Variants in DSCAML1 observed in about 807,000 individuals in gnomAD.
The protein encoded by DSCAML1 is DS cell adhesion molecule like 1.
A neutral mutation model predicts 200.5 loss-of-function variants in DSCAML1; 38 were observed. That is an observed-to-expected ratio of 0.19 (90% CI 0.15 to 0.25). The LOEUF (loss-of-function observed/expected upper bound fraction) is 0.25, where lower values mean the gene tolerates loss of function less well. DSCAML1 is among the 10% of genes least tolerant of loss of function. The pLI is 1.00. For synonymous variants in DSCAML1, 1,215 were observed against 1,165.0 expected (o/e 1.04, Z -0.87); for missense variants, 2,223 against 2,858.8 (o/e 0.78, Z 5.07).
intron 32 of DSCAML1, 99 bp from the exon 33 acceptor site, chr11:117,428,902 G>A: frequency 1.6e-6 from 2 of 1,241,324 alleles, no homozygotes; most frequent in Non-Finnish European, 2.2e-6. Context: ...TCTTCTCTCT[G>A]ATTTGGCATA....
At chr11:117,485,287 G>A (rs2049022982) in intron 11 of DSCAML1, among the ~76,000 whole-genome samples, 1 of 152,190 alleles carries the variant, frequency 6.6e-6, no homozygotes, top group African/African-American at 2.4e-5. Flanking sequence ...AGGGTCCCCA[G>A]GGATCCTTGG....
intron 11 of DSCAML1, among the ~76,000 whole-genome samples, chr11:117,490,578 G>A (rs973741631): frequency 5.9e-5 from 9 of 152,214 alleles, no homozygotes; most frequent in Non-Finnish European, 8.8e-5. Flanking sequence ...AGTTTACAAA[G>A]CAGTGCTGCA....
chr11:117,729,186 A>G (rs557101991), intron 3 of DSCAML1, among the ~76,000 whole-genome samples: 1 of 152,374 alleles, frequency 6.6e-6, no homozygotes, highest in South Asian at 2.1e-4. Flanking sequence ...AATGTTTTCA[A>G]CAAGTGGTGC....
chr11:117,658,156 T>C (rs942896548), intron 3 of DSCAML1, among the ~76,000 whole-genome samples: 11 of 152,160 alleles, frequency 7.2e-5, no homozygotes, highest in African/African-American at 2.7e-4. Flanking sequence ...CAGGACGGAA[T>C]GCAAGCCTCT....
At chr11:117,702,365 C>T (rs752771253) in intron 3 of DSCAML1, among the ~76,000 whole-genome samples, 2 of 152,040 alleles carry the variant, frequency 1.3e-5, no homozygotes, top group Non-Finnish European at 2.9e-5. Context: ...TGGCATGTTG[C>T]TTCTGCTTGG....
intron 12 of DSCAML1, 113 bp downstream of exon 12, chr11:117,481,850 G>T: frequency 8.2e-7 from 1 of 1,220,640 alleles, no homozygotes; most frequent in Non-Finnish European, 1.2e-6. Flanking sequence ...TTTTTGGGGT[G>T]TGGGGAGGGG....
intron 3 of DSCAML1, among the ~76,000 whole-genome samples, chr11:117,708,029 G>C (rs1001554023): frequency 6.6e-6 from 1 of 152,168 alleles, no homozygotes; most frequent in Admixed American, 6.5e-5. Context: ...AGTGAAGCTA[G>C]CTGCAACTAG....
rs568882024 is a variant in DSCAML1, at chr11:117,642,848, G to A, written c.512-110326C>T. On this transcript the variant is annotated intron_variant, in intron 3 of 32. Coordinates refer to ENST00000651296, the MANE Select transcript of DSCAML1 (RefSeq NM_020693.4). This position sits in a 1 kb window ranked among gnomAD's most constrained non-coding sequence, Gnocchi z 4.1. ...ACCCTTCCTGGCCCACACTGCCAAA[G>A]CTGTCTTGTGTTCAGGCAGCTTGGG... 6.6e-6 allele frequency among the ~76,000 whole-genome samples: 1 copy of A among 152,326 alleles called. No homozygotes were observed. The highest frequency in any genetic ancestry group is 1.9e-4 in the East Asian group (1 of 5,190).
chr11:117,646,963 T>C (rs1190780914), intron 3 of DSCAML1, among the ~76,000 whole-genome samples: 2 of 152,176 alleles, frequency 1.3e-5, no homozygotes, highest in Non-Finnish European at 2.9e-5. Context: ...TTGATCTCAG[T>C]AAGCAGCCAC....
At chr11:117,479,715 C>T (rs574427831) in intron 14 of DSCAML1, among the ~76,000 whole-genome samples, 1 of 152,092 alleles carries the variant, frequency 6.6e-6, no homozygotes, top group Non-Finnish European at 1.5e-5. Flanking sequence ...ATGGCACGAT[C>T]TTGGTTCACT....
At chr11:117,537,134 TCATAGGGACATATGGTC>T in intron 3 of DSCAML1, among the ~76,000 whole-genome samples, 1 of 32,792 alleles carries the variant, frequency 3.0e-5, no homozygotes, top group Non-Finnish European at 5.8e-5. Context: ...ACAGCACCAC[TCATAGGGACATATGGTC>T]AGCCAGCCTC....
At chr11:117,623,216 C>CTTTTTTTTTTTTTTTTTTTT (rs56343852) in intron 3 of DSCAML1, among the ~76,000 whole-genome samples, 8 of 121,106 alleles carry the variant, frequency 6.6e-5, no homozygotes, top group East Asian at 2.3e-4. Context: ...CTTTTCTTTT[C>CTTTTTTTTTTTTTTTTTTTT]TTTTTTTTTT....
chr11:117,544,196 C>G (rs944162304), intron 3 of DSCAML1, among the ~76,000 whole-genome samples: 2 of 152,124 alleles, frequency 1.3e-5, no homozygotes, highest in Admixed American at 6.5e-5. Context: ...GCCAGGGCCT[C>G]GAAGTACCTC....
intron 3 of DSCAML1, among the ~76,000 whole-genome samples, chr11:117,616,847 T>C (rs1314126288): frequency 6.6e-6 from 1 of 152,266 alleles, no homozygotes; most frequent in Non-Finnish European, 1.5e-5. Context: ...TAAGAAATTA[T>C]GGCCCAACCG....
Position 117,501,748 on chromosome 11 carries a change from T to C in DSCAML1, c.2359+2097A>G, listed in dbSNP as rs1386864121. 3.3e-5 allele frequency among the ~76,000 whole-genome samples: 5 copies of C among 151,914 alleles called. No individual in the cohort carries two copies. In the East Asian group the frequency reaches 9.6e-4, roughly 29 times the overall value. ...GGGTGTTGAGAGGTTCTGAGGGTGA[T>C]CAGAGGTGCCCTGAGCGGGATGACG... On this transcript the variant is annotated intron_variant, in intron 11 of 32. Transcript: ENST00000651296.
At chr11:117,681,684 C>T (rs1458643771) in intron 3 of DSCAML1, among the ~76,000 whole-genome samples, 3 of 152,190 alleles carry the variant, frequency 2.0e-5, no homozygotes. Flanking sequence ...CCTCTCTCCC[C>T]ACTTAAAAAG....
Position 117,525,054 on chromosome 11 carries a change from C to T in DSCAML1, c.688G>A (p.Asp230Asn). Residue 230 changes from aspartate (D) to asparagine (N), a missense_variant, in exon 5 of 33, where the codon GAT becomes AAT. This residue lies in a region of DSCAML1 where 579 missense variants were observed against 721.5 expected (regional missense o/e 0.80). Coordinates refer to ENST00000651296, the MANE Select transcript of DSCAML1 (RefSeq NM_020693.4). ...CACACTTCCTGGGAGTGGAAGCCAT[C>T]CAGGATGGTGGGGATCGACTCAGCA... ...DPAESIPTIL[D>N]GFHSQEVWAG... The T allele has an allele frequency of 6.3e-7, 1 of 1,585,114 alleles. No individual in the cohort carries two copies.
intron 3 of DSCAML1, among the ~76,000 whole-genome samples, chr11:117,585,474 C>T (rs1286183207): frequency 6.6e-6 from 1 of 152,144 alleles, no homozygotes; most frequent in Admixed American, 6.5e-5. Flanking sequence ...GTCTCCCTCT[C>T]CTGACCTTGT....
intron 4 of DSCAML1, 82 bp downstream of exon 4, chr11:117,532,294 G>A (rs958207713): frequency 1.7e-5 from 24 of 1,433,826 alleles, no homozygotes; most frequent in Non-Finnish European, 2.1e-5. Context: ...CTCCATCTGC[G>A]GTGGGGCGTG....
Sources: gnomAD v4.1 joint callset for allele counts (sites outside exome capture counted in the v4.1 genomes callset) on GRCh38, gnomAD v4.1.1 for gene constraint, gnomAD v4.1.1 regional missense constraint, Gnocchi (gnomAD v3.1) non-coding constraint, MANE v1.5 for transcripts, NCBI Gene and HGNC (gene_info 2026-07-23, HGNC 2026-07-21) for gene names.